The following PXDNL variants were observed in gnomAD, a reference collection of about 807,000 sequenced individuals.
The protein encoded by PXDNL is probable oxidoreductase PXDNL.
PXDNL carries 145 observed loss-of-function variants against 150.8 expected under a neutral mutation model. The ratio of observed to expected loss-of-function variants is 0.96; its 90% confidence interval spans 0.84 to 1.10. The LOEUF (loss-of-function observed/expected upper bound fraction) is 1.10. PXDNL is among the 50% of genes least tolerant of loss of function. PXDNL has a pLI of 0.00. For synonymous variants in PXDNL, 757 were observed against 725.7 expected (o/e 1.04, Z -0.69); for missense variants, 2,087 against 1,873.9 (o/e 1.11, Z -2.10).
intron 17 of PXDNL, among the ~76,000 whole-genome samples, chr8:51,389,905 C>T (rs1807839930): frequency 6.6e-6 from 1 of 152,010 alleles, no homozygotes; most frequent in Admixed American, 6.6e-5. Context: ...GTCACATTTC[C>T]CCATAATGGA....
At chr8:51,523,944 C>A (rs1009623660) in intron 4 of PXDNL, among the ~76,000 whole-genome samples, 1 of 152,008 alleles carries the variant, frequency 6.6e-6, no homozygotes, top group Non-Finnish European at 1.5e-5. Flanking sequence ...TTAAAGAGAC[C>A]GATGGGGAAA....
intron 4 of PXDNL, among the ~76,000 whole-genome samples, chr8:51,530,589 C>T (rs2130428224): frequency 6.6e-6 from 1 of 152,298 alleles, no homozygotes; most frequent in South Asian, 2.1e-4. Context: ...CTCTGCGGCT[C>T]TCCACTCACC....
chr8:51,493,615 C>A lies in PXDNL; in HGVS notation c.452+6084G>T, dbSNP rs184341004. Reference sequence around the variant, plus strand: ...CCTGATGGAGCTGAAAACCAAGGCACAAGAACTACATGACGAATGCACAAG... The same window carrying A: ...CCTGATGGAGCTGAAAACCAAGGCAAAAGAACTACATGACGAATGCACAAG... On this transcript the variant is annotated intron_variant, in intron 5 of 22. Coordinates refer to ENST00000356297, the MANE Select transcript of PXDNL (RefSeq NM_144651.5). Among the ~76,000 whole-genome samples, 970 of 152,240 alleles carry A rather than the reference C, an allele frequency of 6.4e-3. 7 individuals are homozygous for A. The highest frequency in any genetic ancestry group is 0.011 in the Non-Finnish European group (760 of 68,030).
chr8:51,379,496 A>G (rs932403912), intron 17 of PXDNL, among the ~76,000 whole-genome samples: 7 of 148,288 alleles, frequency 4.7e-5, no homozygotes, highest in African/African-American at 1.8e-4. Flanking sequence ...TGAAATGTGT[A>G]TTTATACTTT....
intron 1 of PXDNL, among the ~76,000 whole-genome samples, chr8:51,705,832 T>TGCGC (rs10589855): frequency 6.0e-5 from 9 of 149,606 alleles, no homozygotes; most frequent in South Asian, 2.1e-4. Flanking sequence ...TGTGTGTGTG[T>TGCGC]GCGCGCGCGC....
intron 1 of PXDNL, among the ~76,000 whole-genome samples, chr8:51,735,803 C>A: frequency 6.6e-6 from 1 of 151,812 alleles, no homozygotes; most frequent in South Asian, 2.1e-4. Flanking sequence ...GCCTCGGCCT[C>A]CCAAAGTGCT....
chr8:51,757,391 C>A (rs1021240545), intron 1 of PXDNL, among the ~76,000 whole-genome samples: 1 of 152,208 alleles, frequency 6.6e-6, no homozygotes, highest in African/African-American at 2.4e-5. Context: ...CATCTGCACC[C>A]GTGGCTGGTT....
At chr8:51,377,791 A>C (rs1165658965) in intron 17 of PXDNL, among the ~76,000 whole-genome samples, 1 of 152,148 alleles carries the variant, frequency 6.6e-6, no homozygotes. Context: ...GCCATGCCTG[A>C]GCCTCCCCCA....
chr8:51,426,005 A>C (rs1356375282), intron 13 of PXDNL, among the ~76,000 whole-genome samples: 2 of 152,186 alleles, frequency 1.3e-5, no homozygotes, highest in African/African-American at 4.8e-5. Flanking sequence ...CCTTTCACAG[A>C]TTTTATATTT....
At chr8:51,613,743 A>G (rs1032023666) in intron 2 of PXDNL, among the ~76,000 whole-genome samples, 6 of 152,064 alleles carry the variant, frequency 3.9e-5, no homozygotes, top group Admixed American at 3.9e-4. Context: ...TGACAGCCTC[A>G]CCCTCTAAAA....
In PXDNL at chr8:51,374,626, G is replaced by A. The variant is rs755322056; in HGVS notation, c.3663C>T (p.Thr1221=). Residue 1221 remains threonine, a synonymous_variant, in exon 18 of 23, where the codon ACC becomes ACT. Coordinates refer to ENST00000356297, the MANE Select transcript of PXDNL (RefSeq NM_144651.5). ...VGPTLMCLFV[T]QFQRLRDGDR... ...CTCCATCTCTTAGCCGCTGAAACTG[G>A]GTAACAAACAGGCACATAAGTGTTG... is the stretch of plus-strand genomic sequence containing the variant. 3.6e-5 allele frequency: 58 copies of A among 1,613,650 alleles called. No individual in the cohort carries two copies. Among genetic ancestry groups the A allele is most frequent in the South Asian group, 3.4e-4 (31 of 91,058 alleles).
At chr8:51,651,589 G>T (rs570092814) in intron 2 of PXDNL, among the ~76,000 whole-genome samples, 4 of 152,156 alleles carry the variant, frequency 2.6e-5, no homozygotes, top group Non-Finnish European at 5.9e-5. Flanking sequence ...TGAGTGAGGA[G>T]TATCAGCCCT....
At chr8:51,613,471 C>T (rs1044993356) in intron 2 of PXDNL, among the ~76,000 whole-genome samples, 1 of 65,338 alleles carries the variant, frequency 1.5e-5, no homozygotes, top group African/African-American at 5.6e-5. Context: ...GGAAACCTCA[C>T]AGCTTAAGGG....
At chr8:51,372,675 G>A (rs910085552) in intron 18 of PXDNL, among the ~76,000 whole-genome samples, 1 of 152,176 alleles carries the variant, frequency 6.6e-6, no homozygotes, top group Non-Finnish European at 1.5e-5. Context: ...GTGAGCCACC[G>A]CACCTAGCCC....
At chr8:51,350,078 G>T (rs1431807419) in intron 19 of PXDNL, among the ~76,000 whole-genome samples, 4 of 151,880 alleles carry the variant, frequency 2.6e-5, no homozygotes, top group Non-Finnish European at 4.4e-5. Context: ...AAAAATTCAG[G>T]ACACGGACAC....
intron 19 of PXDNL, among the ~76,000 whole-genome samples, chr8:51,358,973 G>A (rs1192571438): frequency 6.6e-6 from 1 of 152,204 alleles, no homozygotes; most frequent in Admixed American, 6.5e-5. Context: ...CTGGCCGAGA[G>A]CTTCTGCCCT....
At chr8:51,356,017 A>G (rs1435105175) in intron 19 of PXDNL, among the ~76,000 whole-genome samples, 2 of 152,242 alleles carry the variant, frequency 1.3e-5, no homozygotes, top group Non-Finnish European at 2.9e-5. Flanking sequence ...TGGGGTGAGG[A>G]AAACAAATGG....
At chr8:51,356,428 G>T (rs1411660218) in intron 19 of PXDNL, among the ~76,000 whole-genome samples, 1 of 151,446 alleles carries the variant, frequency 6.6e-6, no homozygotes, top group Non-Finnish European at 1.5e-5. Flanking sequence ...GGTGGAGGTT[G>T]CAGTGAGCCG....
At chr8:51,713,937 T>A (rs761356252) in intron 1 of PXDNL, among the ~76,000 whole-genome samples, 20 of 152,212 alleles carry the variant, frequency 1.3e-4, no homozygotes, top group Non-Finnish European at 1.9e-4. Flanking sequence ...ATTCCCTACA[T>A]ATTTATGTTT....
Sources: allele counts gnomAD v4.1 joint callset (sites outside exome capture counted in the v4.1 genomes callset), GRCh38; gene constraint gnomAD v4.1.1; transcripts MANE v1.5; gene names NCBI Gene and HGNC (gene_info 2026-07-23, HGNC 2026-07-21).